Variants in WHAMM observed in about 807,000 individuals in gnomAD.
WHAMM encodes WASP homolog-associated protein with actin, membranes and microtubules.
In WHAMM, 67 loss-of-function variants were observed where a neutral mutation model predicts 76.5. The ratio of observed to expected loss-of-function variants is 0.88; its 90% CI spans 0.72 to 1.07. The LOEUF is 1.07. Ranked by LOEUF, WHAMM falls within the 50% of genes least tolerant of loss-of-function variation. The pLI is 0.00. For synonymous variants in WHAMM, 419 were observed against 422.1 expected (o/e 0.99, Z 0.09); for missense variants, 1,021 against 1,051.1 (o/e 0.97, Z 0.40).
rs2051115973 is a variant in WHAMM, at chr15:82,835,456, C to T, written c.*1920C>T. On this transcript the variant is annotated 3_prime_UTR_variant, in exon 10 of 10. Transcript: ENST00000286760. ...GTCTTAACTAACTGGTACACAGCAGCCTGAGGGGCCTCAGTTGGCACAGCT... is the reference window on the plus strand; with the variant it reads ...GTCTTAACTAACTGGTACACAGCAGTCTGAGGGGCCTCAGTTGGCACAGCT... The T allele has an allele frequency of 6.6e-6, 1 of 152,340 alleles. No individual in the cohort carries two copies. The highest frequency in any genetic ancestry group is 1.5e-5 in the Non-Finnish European group (1 of 68,140). 9.4% of individuals were successfully genotyped at this position (152,340 alleles called of 1,614,324 possible).
chr15:82,822,443 T>C (rs1430939795), intron 5 of WHAMM, among the ~76,000 whole-genome samples: 1 of 152,234 alleles, frequency 6.6e-6, no homozygotes, highest in Non-Finnish European at 1.5e-5. Flanking sequence ...TTTTAAATTT[T>C]TTTTTATTTT....
At chr15:82,822,914 GTA>G (rs1343906143) in intron 5 of WHAMM, among the ~76,000 whole-genome samples, 184 bp from the exon 6 acceptor site, 1 of 150,558 alleles carries the variant, frequency 6.6e-6, no homozygotes, top group Non-Finnish European at 1.5e-5. Context: ...TTACATACAT[GTA>G]TATAGTCATG....
chr15:82,827,462 A>AGCT (rs1370893054), intron 8 of WHAMM, among the ~76,000 whole-genome samples: 1 of 152,158 alleles, frequency 6.6e-6, no homozygotes, highest in Non-Finnish European at 1.5e-5. Context: ...CTTTAAAAAA[A>AGCT]GCTGCTATGA....
intron 1 of WHAMM, 80 bp downstream of exon 1, chr15:82,810,415 G>A (rs930605764): frequency 8.1e-7 from 1 of 1,227,722 alleles, no homozygotes. Flanking sequence ...GGCGCCGAGA[G>A]CCCTGGCTGA....
chr15:82,822,766 T>G (rs2050850930), intron 5 of WHAMM, among the ~76,000 whole-genome samples: 1 of 152,152 alleles, frequency 6.6e-6, no homozygotes, highest in African/African-American at 2.4e-5. Context: ...CCATGGAAAA[T>G]GTTCTTTTAG....
At chr15:82,823,423 T>C (rs1596284177) in intron 6 of WHAMM, 136 bp downstream of exon 6, 1 of 729,206 alleles carries the variant, frequency 1.4e-6, no homozygotes, top group East Asian at 3.5e-5. Context: ...TATCCATGGC[T>C]ATAGTTAAAA....
chr15:82,826,747 A>G lies in WHAMM; in HGVS notation c.1546-4A>G. 1 of 1,539,414 alleles carries G rather than the reference A, an allele frequency of 6.5e-7. No homozygotes were observed. Among genetic ancestry groups the G allele is most frequent in the Admixed American group, 2.1e-5 (1 of 46,588 alleles). ...TTTACAAATATACATTTGTTTAAAT[A>G]TAGAAAAGAGACAAGATAAAAGAAG... On this transcript the variant is annotated splice_polypyrimidine_tract_variant and splice_region_variant and intron_variant, in intron 7 of 9. Transcript: ENST00000286760.
chr15:82,823,752 G>C (rs183549512), intron 6 of WHAMM, among the ~76,000 whole-genome samples: 5 of 152,250 alleles, frequency 3.3e-5, no homozygotes, highest in Admixed American at 3.3e-4. Context: ...ATTTTGTAGA[G>C]GTGGGGTTTC....
chr15:82,811,361 A>G lies in WHAMM; in HGVS notation c.609+1026A>G, dbSNP rs138634615. On this transcript the variant is annotated intron_variant, in intron 1 of 9. Coordinates refer to ENST00000286760, the MANE Select transcript of WHAMM (RefSeq NM_001080435.3). ...ATGAGGAACCCACAGGGGAGTTTCA[A>G]AAATGATATCATTTTGTATCAGACT... Among the ~76,000 whole-genome samples the G allele has an allele frequency of 2.3e-3, 354 of 152,350 alleles. 1 individual carries two copies. The highest frequency in any genetic ancestry group is 8.1e-3 in the African/African-American group (336 of 41,580).
intron 6 of WHAMM, 108 bp from the exon 7 acceptor site, chr15:82,826,302 T>C (rs535894648): frequency 3.5e-6 from 4 of 1,147,198 alleles, no homozygotes; most frequent in African/African-American, 3.1e-5. Context: ...CTAATATTAA[T>C]GAATGCCTTA....
intron 5 of WHAMM, among the ~76,000 whole-genome samples, chr15:82,821,972 A>G (rs2050836025): frequency 6.6e-6 from 1 of 152,222 alleles, no homozygotes; most frequent in Admixed American, 6.5e-5. Context: ...TTCAGGTTAT[A>G]AGCATTTTAC....
At chr15:82,823,858 C>T (rs1415059928) in intron 6 of WHAMM, among the ~76,000 whole-genome samples, 10 of 152,000 alleles carry the variant, frequency 6.6e-5, no homozygotes, top group Non-Finnish European at 1.5e-4. Context: ...GAGCCACCAC[C>T]CCTGGACCAC....
In WHAMM at chr15:82,813,243, A is replaced by G; in HGVS notation, c.750A>G (p.Arg250=). ...QYLLQPFRAM[R]EVATLCKLDI... is the part of the protein sequence containing the mutation. ...TATTGCAGCCATTTAGGGCTATGCG[A>G]GAAGTTGCAACTTTATGTAAGCTTG... Residue 250 remains arginine (R), a synonymous_variant, in exon 2 of 10, where the codon CGA becomes CGG. Coordinates refer to ENST00000286760, the MANE Select transcript of WHAMM (RefSeq NM_001080435.3). 6.3e-7 allele frequency: 1 copy of G among 1,585,224 alleles called. No homozygotes were observed. The highest frequency in any genetic ancestry group is 1.2e-5 in the South Asian group (1 of 84,830).
At chr15:82,831,827 T>G (rs2051036941) in intron 9 of WHAMM, among the ~76,000 whole-genome samples, 1 of 152,204 alleles carries the variant, frequency 6.6e-6, no homozygotes, top group Admixed American at 6.5e-5. Flanking sequence ...TAGCAAAATT[T>G]ATGTAAATTT....
chr15:82,826,391 A>G lies in WHAMM; in HGVS notation c.1459-19A>G. 6.2e-7 allele frequency: 1 copy of G among 1,613,396 alleles called. No homozygotes were observed. On this transcript the variant is annotated intron_variant, in intron 6 of 9. Transcript: ENST00000286760. ...GGTAATATTAAAAACCATGTAGGTG[A>G]TTTGTATTATTCCACCAGGATCAGT...
intron 1 of WHAMM, among the ~76,000 whole-genome samples, chr15:82,811,974 A>G (rs548387797): frequency 1.3e-5 from 2 of 152,274 alleles, no homozygotes; most frequent in South Asian, 4.1e-4. Context: ...AAAAAAATCT[A>G]TATTATTTGA....
At chr15:82,812,791 G>A (rs1211164628) in intron 1 of WHAMM, among the ~76,000 whole-genome samples, 1 of 151,576 alleles carries the variant, frequency 6.6e-6, no homozygotes, top group Non-Finnish European at 1.5e-5. Context: ...AGCCTCCCCA[G>A]CAGCTGGGAT....
At chr15:82,818,302 C>T (rs2050762431) in intron 4 of WHAMM, among the ~76,000 whole-genome samples, 1 of 152,148 alleles carries the variant, frequency 6.6e-6, no homozygotes, top group Non-Finnish European at 1.5e-5. Context: ...TCTTCTGAGT[C>T]TCCAGTGTGT....
chr15:82,830,698 C>T lies in WHAMM; in HGVS notation c.1741C>T (p.His581Tyr). The change falls in exon 9 of 10, where the codon CAC becomes TAC. Residue 581 changes from histidine to tyrosine, a missense_variant. Around this residue, in one of 3 missense-constraint regions of WHAMM, gnomAD observed 509 missense variants for 492.3 expected, o/e 1.03. Coordinates refer to ENST00000286760, the MANE Select transcript of WHAMM (RefSeq NM_001080435.3). ...LSQQMCLPASHAVSVIHPSSR... is the reference protein window; with the variant it reads ...LSQQMCLPASYAVSVIHPSSR... ...CCAGCAGATGTGCTTGCCAGCTTCCCACGCGGTGTCAGTAATTCACCCGTC... is the reference window on the plus strand; with the variant it reads ...CCAGCAGATGTGCTTGCCAGCTTCCTACGCGGTGTCAGTAATTCACCCGTC... 1 of 1,613,994 alleles carries T rather than the reference C, an allele frequency of 6.2e-7. No homozygotes were observed.
Sources: allele counts gnomAD v4.1 joint callset (sites outside exome capture counted in the v4.1 genomes callset), GRCh38; gene constraint gnomAD v4.1.1; regional missense constraint gnomAD v4.1.1; transcripts MANE v1.5; gene names NCBI Gene and HGNC (gene_info 2026-07-23, HGNC 2026-07-21).